GLCE: variants seen among roughly 807,000 people sequenced by gnomAD.
The protein encoded by GLCE is glucuronic acid epimerase, also known as D-glucuronyl C5-epimerase.
GLCE carries 19 observed loss-of-function variants against 47.9 expected under a neutral mutation model. The observed-to-expected ratio is 0.40, with a 90% CI of 0.28 to 0.58. The LOEUF (loss-of-function observed/expected upper bound fraction) is 0.58, where lower values mean the gene tolerates loss of function less well. GLCE is among the 20% of genes least tolerant of loss of function. The pLI is 0.48. For missense variants in GLCE, 556 were observed against 743.3 expected (o/e 0.75, Z 2.93); for synonymous variants, 245 against 263.4 (o/e 0.93, Z 0.68).
Position 69,261,097 on chromosome 15 carries a change from A to G in GLCE, c.597A>G (p.Leu199=). ...KCISGVEGVP[L]STQWGPQGYF... is the part of the protein sequence containing the mutation. ...TTCTCTATTTTATAGGTGTGCCATT[A>G]TCTACACAATGGGGACCTCAAGGCT... The change falls in exon 4 of 5, where the codon TTA becomes TTG. Residue 199 remains leucine (L), a synonymous_variant. Transcript: ENST00000261858. 3 of 1,610,804 alleles carry G rather than the reference A, an allele frequency of 1.9e-6. No homozygotes were observed. The highest frequency in any genetic ancestry group is 1.3e-5 in the African/African-American group (1 of 74,986).
intron 4 of GLCE, among the ~76,000 whole-genome samples, chr15:69,267,183 T>C (rs1194392508): frequency 6.6e-6 from 1 of 152,220 alleles, no homozygotes; most frequent in Admixed American, 6.5e-5. Context: ...AAGAGAAATT[T>C]TCTCTTTAAT....
At chr15:69,243,603 C>T (rs2052705862) in intron 2 of GLCE, among the ~76,000 whole-genome samples, 1 of 149,450 alleles carries the variant, frequency 6.7e-6, no homozygotes, top group Admixed American at 6.7e-5. Flanking sequence ...TGTTGCATGA[C>T]ATGAGCAAAT....
intron 2 of GLCE, among the ~76,000 whole-genome samples, chr15:69,226,292 C>A (rs2052446305): frequency 6.6e-6 from 1 of 152,092 alleles, no homozygotes; most frequent in South Asian, 2.1e-4. Flanking sequence ...CCAAACACTG[C>A]TGTTGTTGGA....
chr15:69,256,442 G>A, intron 3 of GLCE, 50 bp downstream of exon 3: 1 of 1,238,386 alleles, frequency 8.1e-7, no homozygotes, highest in South Asian at 1.3e-5. Flanking sequence ...ATTGTGTTGA[G>A]GAATAAGAAA....
intron 1 of GLCE, among the ~76,000 whole-genome samples, chr15:69,203,763 T>C (rs2052109513): frequency 6.6e-6 from 1 of 152,080 alleles, no homozygotes; most frequent in Non-Finnish European, 1.5e-5. Context: ...TGTTTTTCAT[T>C]TGAAATTAGT....
intron 2 of GLCE, among the ~76,000 whole-genome samples, chr15:69,251,942 T>A (rs1363010382): frequency 6.6e-6 from 1 of 152,208 alleles, no homozygotes; most frequent in East Asian, 1.9e-4. Flanking sequence ...CAATTAGCAA[T>A]AATTTTCTAA....
intron 1 of GLCE, among the ~76,000 whole-genome samples, chr15:69,162,334 A>T (rs1050192137): frequency 6.6e-6 from 1 of 152,088 alleles, no homozygotes; most frequent in African/African-American, 2.4e-5. Context: ...AAAACAGCGT[A>T]TAGGTGAGAA....
At chr15:69,180,934 A>G (rs2051740625) in intron 1 of GLCE, among the ~76,000 whole-genome samples, 1 of 152,222 alleles carries the variant, frequency 6.6e-6, no homozygotes. Flanking sequence ...GAAACCACCT[A>G]GGAGACTGTT....
intron 2 of GLCE, among the ~76,000 whole-genome samples, chr15:69,249,851 A>G (rs2052812513): frequency 6.6e-6 from 1 of 152,178 alleles, no homozygotes; most frequent in African/African-American, 2.4e-5. Context: ...AAATCACTTT[A>G]GAATAGAACA....
At position 69,256,070 on chromosome 15, in the gene GLCE, T is replaced by C; in HGVS notation, c.264T>C (p.Val88=). 1 of 1,614,046 alleles carries C rather than the reference T, an allele frequency of 6.2e-7. No individual in the cohort carries two copies. The highest frequency in any genetic ancestry group is 8.5e-7 in the Non-Finnish European group (1 of 1,179,968). The change falls in exon 3 of 5, where the codon GTT becomes GTC. Residue 88 remains valine, a synonymous_variant. Coordinates refer to ENST00000261858, the MANE Select transcript of GLCE (RefSeq NM_015554.3). The stretch of plus-strand genomic sequence containing the variant: ...AACAGCAGAAAGCACCCCCTGTTGT[T>C]GGGGGCTTCAATAGCAATGTGGGAA... The part of the protein sequence containing the change: ...PQEQQKAPPV[V]GGFNSNVGSK...
chr15:69,201,501 A>T (rs949216806), intron 1 of GLCE, among the ~76,000 whole-genome samples: 11 of 151,590 alleles, frequency 7.3e-5, no homozygotes, highest in African/African-American at 2.7e-4. Context: ...AGTAAAACAT[A>T]TAGCATTGCT....
intron 2 of GLCE, among the ~76,000 whole-genome samples, chr15:69,213,427 A>G (rs1324045740): frequency 2.6e-5 from 4 of 152,122 alleles, no homozygotes; most frequent in Admixed American, 2.6e-4. Context: ...GTAGAATGTC[A>G]TTCAATTAGA....
chr15:69,182,850 C>CA (rs1241554145), intron 1 of GLCE, among the ~76,000 whole-genome samples: 1 of 151,740 alleles, frequency 6.6e-6, no homozygotes, highest in African/African-American at 2.4e-5. Flanking sequence ...CCCGTCTCTA[C>CA]AAAAAAATAC....
intron 1 of GLCE, among the ~76,000 whole-genome samples, chr15:69,192,351 TATA>T (rs139552218): frequency 0.012 from 1,750 of 151,948 alleles, 26 homozygotes; most frequent in African/African-American, 0.038. Context: ...ACAAATCTTA[TATA>T]ATAATATTTT....
chr15:69,228,094 T>A (rs2052474235), intron 2 of GLCE, among the ~76,000 whole-genome samples: 1 of 152,224 alleles, frequency 6.6e-6, no homozygotes, highest in South Asian at 2.1e-4. Flanking sequence ...AGGCATTATG[T>A]TCTTTCTCTA....
intron 2 of GLCE, among the ~76,000 whole-genome samples, chr15:69,254,622 C>T (rs915204874): frequency 1.3e-5 from 2 of 152,036 alleles, no homozygotes; most frequent in African/African-American, 2.4e-5. Flanking sequence ...AACAGAATTT[C>T]CTGACTTATG....
chr15:69,230,207 C>T (rs1333616114), intron 2 of GLCE, among the ~76,000 whole-genome samples: 7 of 84,418 alleles, frequency 8.3e-5, no homozygotes, highest in Admixed American at 1.5e-4. Flanking sequence ...AACTCCATCT[C>T]GATTTAAAAA....
intron 2 of GLCE, among the ~76,000 whole-genome samples, chr15:69,218,701 G>A (rs1566959298): frequency 6.6e-6 from 1 of 152,128 alleles, no homozygotes; most frequent in Non-Finnish European, 1.5e-5. Flanking sequence ...CAAGAGAACT[G>A]TCAGTATAAT....
chr15:69,174,488 T>C (rs1196237684), intron 1 of GLCE, among the ~76,000 whole-genome samples: 1 of 152,124 alleles, frequency 6.6e-6, no homozygotes, highest in Non-Finnish European at 1.5e-5. Flanking sequence ...TGGGCACCTG[T>C]AATCCCAGCT....
Sources: allele counts gnomAD v4.1 joint callset (sites outside exome capture counted in the v4.1 genomes callset), GRCh38; gene constraint gnomAD v4.1.1; transcripts MANE v1.5; gene names NCBI Gene and HGNC (gene_info 2026-07-23, HGNC 2026-07-21).